The following LRFN5 variants were observed in gnomAD, a reference collection of about 807,000 sequenced individuals.
The protein encoded by LRFN5 is leucine-rich repeat and fibronectin type-III domain-containing protein 5.
Under a neutral mutation model 45.6 loss-of-function variants are expected in LRFN5, and 24 were observed. The observed-to-expected ratio is 0.53, with a 90% CI of 0.38 to 0.74. The LOEUF (loss-of-function observed/expected upper bound fraction) is 0.74. Ranked by LOEUF, LRFN5 falls within the 30% of genes least tolerant of loss-of-function variation. The pLI is 0.00. For missense variants in LRFN5, 776 were observed against 861.5 expected, an observed-to-expected ratio of 0.90 and a Z score of 1.24; for synonymous variants, 340 against 313.8, an observed-to-expected ratio of 1.08 and a Z score of -0.88.
intron 1 of LRFN5, among the ~76,000 whole-genome samples, chr14:41,650,232 A>C (rs1296941017): frequency 4.3e-5 from 3 of 69,326 alleles, no homozygotes; most frequent in Non-Finnish European, 8.6e-5. Flanking sequence ...TGTATCTACA[A>C]AAATACACAC....
At chr14:41,694,873 A>T (rs1477871882) in intron 1 of LRFN5, among the ~76,000 whole-genome samples, 1 of 151,974 alleles carries the variant, frequency 6.6e-6, no homozygotes, top group Non-Finnish European at 1.5e-5. Flanking sequence ...AATGGCCACT[A>T]AGTGTTTGAA....
At chr14:41,853,043 GAA>G (rs770443301) in intron 2 of LRFN5, among the ~76,000 whole-genome samples, 1 of 151,938 alleles carries the variant, frequency 6.6e-6, no homozygotes, top group Non-Finnish European at 1.5e-5. Context: ...AGTCTTAGAA[GAA>G]AGACACGGAA....
chr14:41,627,953 A>G (rs936683194), intron 1 of LRFN5, among the ~76,000 whole-genome samples: 6 of 152,082 alleles, frequency 3.9e-5, no homozygotes, highest in African/African-American at 1.2e-4. Context: ...TGACTGAGGG[A>G]ATTAATTTTA....
intron 2 of LRFN5, among the ~76,000 whole-genome samples, chr14:41,876,024 C>T (rs1421776094): frequency 2.0e-5 from 3 of 152,104 alleles, no homozygotes; most frequent in Non-Finnish European, 1.5e-5. Context: ...CATATGTATA[C>T]ATGTAAGGGA....
chr14:41,763,310 T>A (rs1025129734), intron 1 of LRFN5, among the ~76,000 whole-genome samples: 2 of 152,214 alleles, frequency 1.3e-5, no homozygotes, highest in African/African-American at 4.8e-5. Context: ...ATTTTAAGGC[T>A]CTTACCAATG....
At chr14:41,748,615 T>C (rs1885013324) in intron 1 of LRFN5, among the ~76,000 whole-genome samples, 1 of 152,098 alleles carries the variant, frequency 6.6e-6, no homozygotes, top group Non-Finnish European at 1.5e-5. Flanking sequence ...TACACAATAC[T>C]ACTAAATTGT....
chr14:41,639,369 A>G (rs1566598976), intron 1 of LRFN5, among the ~76,000 whole-genome samples: 1 of 152,114 alleles, frequency 6.6e-6, no homozygotes, highest in Non-Finnish European at 1.5e-5. Flanking sequence ...GACCAAAAAG[A>G]AGGTCATGGT....
chr14:41,671,621 T>TGTTTTTG (rs1297963298), intron 1 of LRFN5, among the ~76,000 whole-genome samples: 13 of 136,348 alleles, frequency 9.5e-5, no homozygotes, highest in Non-Finnish European at 1.2e-4. Context: ...TTTTTCGTTT[T>TGTTTTTG]TTTTTTTTTT....
At position 41,731,709 on chromosome 14, in the gene LRFN5, G is replaced by GA. The variant is rs554418956; in HGVS notation, c.-196-35139dup. 7.2e-5 allele frequency: 11 copies of GA among 152,144 alleles called. No individual in the cohort carries two copies. In the South Asian group the frequency reaches 2.1e-3, roughly 29 times the overall value. The allele number at this position is 152,144 out of a possible 1,614,324, so 9.4% of individuals were successfully genotyped here. A position where few individuals can be genotyped will look rare whatever the true frequency, so the allele number is the denominator to read the frequency against. Reference sequence around the variant, plus strand: ...GCCATCATCAGCCAGAAAAATATTTGAAAAAATATAAATTTGATCATGTAA... The same window carrying GA: ...GCCATCATCAGCCAGAAAAATATTTGAAAAAAATATAAATTTGATCATGTAA... On this transcript the variant is annotated intron_variant, in intron 1 of 5. Transcript: ENST00000298119.
chr14:41,814,998 TA>T (rs1010654771), intron 2 of LRFN5, among the ~76,000 whole-genome samples: 11 of 151,928 alleles, frequency 7.2e-5, no homozygotes, highest in African/African-American at 2.2e-4. Flanking sequence ...CTTGAAGAAC[TA>T]AAAAAAAGTC....
chr14:41,831,286 A>G (rs1217711135), intron 2 of LRFN5, among the ~76,000 whole-genome samples: 1 of 152,214 alleles, frequency 6.6e-6, no homozygotes, highest in Non-Finnish European at 1.5e-5. Flanking sequence ...AAATACTGAG[A>G]TATAACTTAA....
intron 1 of LRFN5, among the ~76,000 whole-genome samples, chr14:41,702,851 T>C (rs1192849505): frequency 6.6e-6 from 1 of 151,964 alleles, no homozygotes; most frequent in Admixed American, 6.6e-5. Context: ...ACAATATATA[T>C]TTTCTATCTC....
In LRFN5 at chr14:41,709,390, G is replaced by T. The variant is rs1883195137; in HGVS notation, c.-196-57464G>T. Among the ~76,000 whole-genome samples the T allele has an allele frequency of 1.3e-5, 2 of 151,936 alleles. 1 individual carries two copies. Among genetic ancestry groups the T allele is most frequent in the East Asian group, 3.9e-4 (2 of 5,188 alleles). On this transcript the variant is annotated intron_variant, in intron 1 of 5. Coordinates refer to ENST00000298119, the MANE Select transcript of LRFN5 (RefSeq NM_152447.5). ...CTGTACATTTTTGGACCCAGACTTG[G>T]AATTCTGTTATATTTTTGAGGACTA...
chr14:41,860,449 T>C (rs1889621726), intron 2 of LRFN5, among the ~76,000 whole-genome samples: 1 of 152,180 alleles, frequency 6.6e-6, no homozygotes, highest in Non-Finnish European at 1.5e-5. Flanking sequence ...ATATACAATA[T>C]TTTAATATAC....
chr14:41,682,493 G>C (rs1881946969), intron 1 of LRFN5, among the ~76,000 whole-genome samples: 1 of 151,874 alleles, frequency 6.6e-6, no homozygotes, highest in Non-Finnish European at 1.5e-5. Flanking sequence ...AGAAATAAAT[G>C]AAATTGAAAT....
At chr14:41,751,752 C>T (rs1885142407) in intron 1 of LRFN5, among the ~76,000 whole-genome samples, 1 of 151,966 alleles carries the variant, frequency 6.6e-6, no homozygotes, top group Non-Finnish European at 1.5e-5. Flanking sequence ...ACTTAAGTCC[C>T]ACACAAGAAT....
At chr14:41,728,569 T>G (rs1317040382) in intron 1 of LRFN5, among the ~76,000 whole-genome samples, 2 of 152,220 alleles carry the variant, frequency 1.3e-5, no homozygotes, top group African/African-American at 4.8e-5. Flanking sequence ...TAAATGTTTG[T>G]AAATCCTTTA....
At position 41,642,085 on chromosome 14, in the gene LRFN5, A is replaced by G. The variant is rs76284067; in HGVS notation, c.-197+33523A>G. Among the ~76,000 whole-genome samples the G allele has an allele frequency of 2.0e-5, 3 of 152,274 alleles. No individual in the cohort carries two copies. The East Asian group carries it at 5.8e-4, about 29-fold the overall frequency. ...AATTTCTGTTATGAAAAACACATGT[A>G]AGACCTTGTCTTACTATTTGAATTT... is the stretch of plus-strand genomic sequence containing the variant. On this transcript the variant is annotated intron_variant, in intron 1 of 5. Transcript: ENST00000298119.
intron 1 of LRFN5, among the ~76,000 whole-genome samples, chr14:41,686,490 C>T (rs991615948): frequency 2.0e-5 from 3 of 151,970 alleles, no homozygotes; most frequent in African/African-American, 7.3e-5. Context: ...CTGGCCAGAA[C>T]TTCTAATACT....
Sources: allele counts gnomAD v4.1 joint callset (sites outside exome capture counted in the v4.1 genomes callset), GRCh38; gene constraint gnomAD v4.1.1; transcripts MANE v1.5; gene names NCBI Gene and HGNC (gene_info 2026-07-23, HGNC 2026-07-21).